ZNF385B: variants seen among roughly 807,000 people sequenced by gnomAD.
The protein encoded by ZNF385B is zinc finger protein 533.
Under a neutral mutation model 39.2 loss-of-function variants are expected in ZNF385B, and 23 were observed. The observed-to-expected ratio is 0.59, with a 90% CI of 0.42 to 0.83. The LOEUF (loss-of-function observed/expected upper bound fraction) is 0.83. ZNF385B is among the 40% of genes least tolerant of loss of function. ZNF385B has a pLI of 0.00. For missense variants in ZNF385B, 552 were observed against 598.9 expected, an observed-to-expected ratio of 0.92 and a Z score of 0.82; for synonymous variants, 205 against 222.6, an observed-to-expected ratio of 0.92 and a Z score of 0.70.
intron 3 of ZNF385B, among the ~76,000 whole-genome samples, chr2:179,766,820 C>A (rs1703724761): frequency 6.6e-6 from 1 of 152,146 alleles, no homozygotes; most frequent in Non-Finnish European, 1.5e-5. Flanking sequence ...CCACAATATT[C>A]TCTGAAGCCA....
rs992400055 is a variant in ZNF385B at position 179,442,016 on chromosome 2, T to G, written c.*1234A>C. On this transcript the variant is annotated 3_prime_UTR_variant, in exon 10 of 10. Coordinates refer to ENST00000410066, the MANE Select transcript of ZNF385B (RefSeq NM_152520.6). ...TTGTACTTTTATTGAAAAGGTACAT[T>G]TAAAAAAATACACAGACATTTTACC... 3.9e-5 allele frequency: 6 copies of G among 152,576 alleles called. No homozygotes were observed. The South Asian group carries it at 1.2e-3, about 32-fold the overall frequency. 9.5% of individuals were successfully genotyped at this position (152,576 alleles called of 1,614,324 possible).
At chr2:179,752,010 T>A (rs1160739123) in intron 3 of ZNF385B, among the ~76,000 whole-genome samples, 1 of 152,200 alleles carries the variant, frequency 6.6e-6, no homozygotes, top group Non-Finnish European at 1.5e-5. Flanking sequence ...TATGTATACA[T>A]GTGCCATGTT....
At chr2:179,571,610 T>A (rs973814818) in intron 3 of ZNF385B, among the ~76,000 whole-genome samples, 14 of 152,212 alleles carry the variant, frequency 9.2e-5, no homozygotes, top group Admixed American at 2.6e-4. Context: ...TCATGTGGTC[T>A]TGAAATACAA....
Position 179,544,848 on chromosome 2 carries a change from C to A in ZNF385B, c.420G>T (p.Gly140=). The A allele has an allele frequency of 6.2e-7, 1 of 1,613,950 alleles. No individual in the cohort carries two copies. The part of the protein sequence containing the change: ...SFPVDSSSAV[G]LFPNFNTMDP... ...TCACTGTGTTAAAATTTGGAAAGAGCCCAACAGCAGAACTACTGTCCACTG... is the reference window on the plus strand; with the variant it reads ...TCACTGTGTTAAAATTTGGAAAGAGACCAACAGCAGAACTACTGTCCACTG... Residue 140 remains glycine (G), a synonymous_variant, in exon 4 of 10, where the codon GGG becomes GGT. Coordinates refer to ENST00000410066, the MANE Select transcript of ZNF385B (RefSeq NM_152520.6).
intron 1 of ZNF385B, among the ~76,000 whole-genome samples, chr2:179,821,054 A>G (rs1707367310): frequency 6.6e-6 from 1 of 152,188 alleles, no homozygotes; most frequent in African/African-American, 2.4e-5. Flanking sequence ...AAAGTTTTCA[A>G]TGAATACTTT....
intron 4 of ZNF385B, among the ~76,000 whole-genome samples, chr2:179,527,922 G>A (rs1288709670): frequency 3.3e-5 from 5 of 151,290 alleles, no homozygotes; most frequent in Non-Finnish European, 5.9e-5. Flanking sequence ...TTTTCAGAGG[G>A]TTGTAAGTAG....
intron 1 of ZNF385B, among the ~76,000 whole-genome samples, chr2:179,775,541 T>C (rs1264588182): frequency 2.6e-5 from 4 of 152,216 alleles, no homozygotes; most frequent in Non-Finnish European, 5.9e-5. Flanking sequence ...TATTGAGTGC[T>C]AGTGAAATAG....
At chr2:179,667,769 C>T (rs1459851308) in intron 3 of ZNF385B, among the ~76,000 whole-genome samples, 1 of 150,572 alleles carries the variant, frequency 6.6e-6, no homozygotes. Context: ...ACATACAGTG[C>T]AGAGATGACC....
intron 3 of ZNF385B, among the ~76,000 whole-genome samples, chr2:179,766,392 T>C (rs745450344): frequency 2.6e-4 from 39 of 152,176 alleles, no homozygotes; most frequent in Non-Finnish European, 5.1e-4. Flanking sequence ...GTTTGTTCTC[T>C]GGGGCTGTTG....
intron 5 of ZNF385B, among the ~76,000 whole-genome samples, chr2:179,502,078 A>G (rs908509904): frequency 5.3e-5 from 8 of 152,158 alleles, no homozygotes; most frequent in Admixed American, 3.3e-4. Context: ...GGTGGTGCCT[A>G]TAGCCCCTTT....
intron 3 of ZNF385B, among the ~76,000 whole-genome samples, chr2:179,717,612 T>C (rs778586999): frequency 2.6e-5 from 4 of 152,304 alleles, no homozygotes; most frequent in Non-Finnish European, 5.9e-5. Flanking sequence ...GGTACACGCC[T>C]GTAGTCCCAG....
At chr2:179,835,249 A>G (rs933619771) in intron 1 of ZNF385B, among the ~76,000 whole-genome samples, 1 of 152,262 alleles carries the variant, frequency 6.6e-6, no homozygotes, top group Non-Finnish European at 1.5e-5. Context: ...TACAGAAAGA[A>G]AAGAGATAAA....
At chr2:179,857,797 TCA>T (rs1210154216) in intron 1 of ZNF385B, among the ~76,000 whole-genome samples, 1 of 152,180 alleles carries the variant, frequency 6.6e-6, no homozygotes, top group African/African-American at 2.4e-5. Context: ...TTTAAAATTA[TCA>T]CCTAGTGCCG....
At chr2:179,656,350 A>G (rs936821488) in intron 3 of ZNF385B, among the ~76,000 whole-genome samples, 1 of 152,124 alleles carries the variant, frequency 6.6e-6, no homozygotes, top group South Asian at 2.1e-4. Flanking sequence ...AAAGAGAAGA[A>G]AACTGAGGCT....
At position 179,624,252 on chromosome 2, in the gene ZNF385B, C is replaced by A. The variant is rs138917775; in HGVS notation, c.299-79283G>T. On this transcript the variant is annotated intron_variant, in intron 3 of 9. Transcript: ENST00000410066. Reference sequence around the variant, plus strand: ...CTGTACCCCATCAGCTGTGCTTAATCCCTGGCTTCTTACAGTGATTCTTCC... The same window carrying A: ...CTGTACCCCATCAGCTGTGCTTAATACCTGGCTTCTTACAGTGATTCTTCC... Among the ~76,000 whole-genome samples, 9 of 152,296 alleles carry A rather than the reference C, an allele frequency of 5.9e-5. No homozygotes were observed. In the East Asian group the frequency reaches 1.7e-3, roughly 29 times the overall value.
intron 3 of ZNF385B, among the ~76,000 whole-genome samples, chr2:179,693,269 T>C (rs1698488858): frequency 6.6e-6 from 1 of 152,246 alleles, no homozygotes; most frequent in Non-Finnish European, 1.5e-5. Flanking sequence ...AATTCTCATC[T>C]AACCCACCAC....
At chr2:179,822,834 G>A (rs1266490754) in intron 1 of ZNF385B, among the ~76,000 whole-genome samples, 1 of 152,040 alleles carries the variant, frequency 6.6e-6, no homozygotes, top group Non-Finnish European at 1.5e-5. Context: ...GTGCTTATGG[G>A]AGTAAGCCAT....
chr2:179,599,651 A>G (rs537692282), intron 3 of ZNF385B, among the ~76,000 whole-genome samples: 247 of 152,334 alleles, frequency 1.6e-3, no homozygotes, highest in African/African-American at 5.6e-3. Flanking sequence ...CCCAATAAAC[A>G]TGCTGAAAGA....
chr2:179,640,196 G>T (rs1319087362), intron 3 of ZNF385B, among the ~76,000 whole-genome samples: 1 of 152,110 alleles, frequency 6.6e-6, no homozygotes, highest in Admixed American at 6.6e-5. Flanking sequence ...TCCTAGGTTG[G>T]AAAACAATTA....
Sources: gnomAD v4.1 joint callset for allele counts (sites outside exome capture counted in the v4.1 genomes callset) on GRCh38, gnomAD v4.1.1 for gene constraint, MANE v1.5 for transcripts, NCBI Gene and HGNC (gene_info 2026-07-23, HGNC 2026-07-21) for gene names.